Variants in ATP10A observed in about 807,000 individuals in gnomAD.
ATP10A encodes the protein ATPase phospholipid transporting 10A (putative), also known as phospholipid-transporting ATPase VA.
Under a neutral mutation model 147.8 loss-of-function variants are expected in ATP10A, and 111 were observed. That is an observed-to-expected ratio of 0.75 (90% CI 0.64 to 0.88). ATP10A has a LOEUF of 0.88. Among genes scored for constraint, ATP10A ranks in the 40% least tolerant of loss-of-function variants. The pLI is 0.00. For missense variants in ATP10A, 1,927 were observed against 1,959.0 expected (o/e 0.98, Z 0.31); for synonymous variants, 875 against 841.6 (o/e 1.04, Z -0.69).
At chr15:25,856,557 C>T (rs55980115) in intron 1 of ATP10A, among the ~76,000 whole-genome samples, 2,095 of 152,200 alleles carry the variant, frequency 0.014, 21 homozygotes, top group Non-Finnish European at 0.024. Context: ...CACTGGGAAA[C>T]CAGGGAGTAG....
At chr15:25,691,402 A>T (rs1463687088) in intron 15 of ATP10A, among the ~76,000 whole-genome samples, 1 of 152,160 alleles carries the variant, frequency 6.6e-6, no homozygotes, top group African/African-American at 2.4e-5. Flanking sequence ...GCCTGCTGGG[A>T]CCGAGCCATC....
chr15:25,694,821 A>G lies in ATP10A; in HGVS notation c.3086T>C (p.Ile1029Thr). Reference sequence around the variant, plus strand: ...GTCTGGCCAGCTGGGATACTTGCCTATGGCCAGGGTCATGGCCTTGAGCTT... The same window carrying G: ...GTCTGGCCAGCTGGGATACTTGCCTGTGGCCAGGGTCATGGCCTTGAGCTT... ...RSKLKAMTLA[I>T]GDGANDVSMI... The change falls in exon 14 of 21, where the codon ATA (isoleucine) becomes ACA (threonine). Residue 1029 changes from isoleucine to threonine, a missense_variant and splice_region_variant. Coordinates refer to ENST00000555815, the MANE Select transcript of ATP10A (RefSeq NM_024490.4). 6.2e-7 allele frequency: 1 copy of G among 1,603,268 alleles called. No homozygotes were observed. The highest frequency in any genetic ancestry group is 8.5e-7 in the Non-Finnish European group (1 of 1,172,390).
intron 2 of ATP10A, among the ~76,000 whole-genome samples, chr15:25,752,931 ATTG>A (rs1436669952): frequency 6.6e-6 from 1 of 151,848 alleles, no homozygotes; most frequent in African/African-American, 2.4e-5. Context: ...GTTTTCTCTA[ATTG>A]TTTATTTTAT....
rs74730372 is a variant in ATP10A, at chr15:25,787,781, T to C, written c.450-6558A>G. 1.3e-3 allele frequency among the ~76,000 whole-genome samples: 203 copies of C among 152,202 alleles called. 1 individual carries two copies. The highest frequency in any genetic ancestry group is 4.8e-3 in the African/African-American group (198 of 41,542). Reference sequence around the variant, plus strand: ...TGTGCAAACAACTGGAGGGGGCTTGTCCAAGATCAGGAGTCACCAAACTGT... The same window carrying C: ...TGTGCAAACAACTGGAGGGGGCTTGCCCAAGATCAGGAGTCACCAAACTGT... On this transcript the variant is annotated intron_variant, in intron 1 of 20. Coordinates refer to ENST00000555815, the MANE Select transcript of ATP10A (RefSeq NM_024490.4).
chr15:25,739,065 T>C (rs557509430), intron 2 of ATP10A, among the ~76,000 whole-genome samples: 1 of 152,232 alleles, frequency 6.6e-6, no homozygotes, highest in Non-Finnish European at 1.5e-5. Flanking sequence ...AAAATTTAAA[T>C]TGCTTTTTAT....
chr15:25,702,201 C>T, intron 12 of ATP10A, 101 bp from the exon 13 acceptor site: 1 of 1,237,862 alleles, frequency 8.1e-7, no homozygotes, highest in Non-Finnish European at 1.1e-6. Context: ...AAGGCAGGCA[C>T]TGGTACAGCC....
intron 3 of ATP10A, among the ~76,000 whole-genome samples, chr15:25,731,224 T>A (rs957714020): frequency 1.3e-5 from 2 of 152,196 alleles, no homozygotes; most frequent in East Asian, 1.9e-4. Flanking sequence ...GTAAGAATGG[T>A]CACCAAAGGA....
At chr15:25,687,267 CCTGTT>C (rs1310496439) in intron 16 of ATP10A, among the ~76,000 whole-genome samples, 21 of 152,166 alleles carry the variant, frequency 1.4e-4, no homozygotes, top group Admixed American at 1.2e-3. Context: ...TTAGAGGACT[CCTGTT>C]TGGGGATATT....
intron 1 of ATP10A, among the ~76,000 whole-genome samples, chr15:25,849,857 T>A (rs937182908): frequency 5.3e-5 from 8 of 150,268 alleles, no homozygotes; most frequent in Non-Finnish European, 8.9e-5. Context: ...AAAAAAAAAA[T>A]AAATGTGTAC....
intron 1 of ATP10A, among the ~76,000 whole-genome samples, chr15:25,853,543 C>T (rs985131412): frequency 6.6e-6 from 1 of 152,062 alleles, no homozygotes; most frequent in Non-Finnish European, 1.5e-5. Flanking sequence ...CCAGTAACCC[C>T]GGTTGTGAGT....
In ATP10A at chr15:25,679,692, G is replaced by A. The variant is rs1376644539; in HGVS notation, c.4149C>T (p.Thr1383=). 6.2e-7 allele frequency: 1 copy of A among 1,613,260 alleles called. No individual in the cohort carries two copies. The highest frequency in any genetic ancestry group is 8.5e-7 in the Non-Finnish European group (1 of 1,180,010). The part of the protein sequence containing the change: ...VDMSMPVREH[T]LLEGLSAPAP... ...CCGGTGCGCTCAGCCCCTCCAGCAG[G>A]GTGTGCTCCCTCACTGGCATGCTCA... Residue 1383 remains threonine, a synonymous_variant, in exon 21 of 21, where the codon ACC becomes ACT. Coordinates refer to ENST00000555815, the MANE Select transcript of ATP10A (RefSeq NM_024490.4).
intron 1 of ATP10A, chr15:25,862,175 T>C: frequency 2.3e-6 from 1 of 436,354 alleles, no homozygotes; most frequent in Non-Finnish European, 4.7e-6. Flanking sequence ...TTGGCGGCAG[T>C]TTCACTTTGC....
At chr15:25,806,623 A>G (rs1437300068) in intron 1 of ATP10A, among the ~76,000 whole-genome samples, 1 of 152,158 alleles carries the variant, frequency 6.6e-6, no homozygotes, top group Non-Finnish European at 1.5e-5. Flanking sequence ...AGATTTTCTT[A>G]ATAACATGTT....
intron 12 of ATP10A, among the ~76,000 whole-genome samples, chr15:25,705,234 A>T (rs540349075): frequency 3.2e-3 from 483 of 152,214 alleles, no homozygotes; most frequent in Non-Finnish European, 5.6e-3. Flanking sequence ...TTAAACCAGG[A>T]GTTTGAGACA....
intron 1 of ATP10A, among the ~76,000 whole-genome samples, chr15:25,805,265 G>A (rs1430623878): frequency 6.6e-6 from 1 of 152,200 alleles, no homozygotes; most frequent in Non-Finnish European, 1.5e-5. Flanking sequence ...GTGGCAGCCG[G>A]TCCCTCCAAG....
intron 14 of ATP10A, among the ~76,000 whole-genome samples, chr15:25,693,842 C>T (rs1375921988): frequency 1.3e-5 from 2 of 152,226 alleles, no homozygotes; most frequent in East Asian, 1.9e-4. Flanking sequence ...GGCTCAACAG[C>T]GGTCTCCTCT....
intron 1 of ATP10A, among the ~76,000 whole-genome samples, chr15:25,811,589 G>C (rs149509425): frequency 6.6e-6 from 1 of 152,188 alleles, no homozygotes; most frequent in Non-Finnish European, 1.5e-5. Context: ...TCTACTATTT[G>C]GTAAGTGTTT....
intron 2 of ATP10A, among the ~76,000 whole-genome samples, chr15:25,768,683 ATTTTTTTTTT>A (rs143608940): frequency 9.5e-4 from 85 of 89,632 alleles, no homozygotes; most frequent in African/African-American, 3.2e-3. Context: ...AGCTGGGCTA[ATTTTTTTTTT>A]TTTTTTTTTT....
intron 1 of ATP10A, among the ~76,000 whole-genome samples, chr15:25,849,352 G>C (rs1893177404): frequency 6.6e-6 from 1 of 152,202 alleles, no homozygotes; most frequent in Non-Finnish European, 1.5e-5. Flanking sequence ...AGGCAGCAAG[G>C]CTCCAGATGT....
Sources: allele counts gnomAD v4.1 joint callset (sites outside exome capture counted in the v4.1 genomes callset), GRCh38; gene constraint gnomAD v4.1.1; transcripts MANE v1.5; gene names NCBI Gene and HGNC (gene_info 2026-07-23, HGNC 2026-07-21).